The following IMPA2 variants were observed in gnomAD, a reference collection of about 807,000 sequenced individuals.
The protein encoded by IMPA2 is inositol monophosphatase 2, also known as IMP 2.
A neutral mutation model predicts 35.1 loss-of-function variants in IMPA2; 32 were observed. The ratio of observed to expected loss-of-function variants is 0.91; its 90% CI spans 0.69 to 1.23. The LOEUF (loss-of-function observed/expected upper bound fraction) is 1.23. IMPA2 is among the 50% of genes most tolerant of loss of function. The pLI is 0.00. For synonymous variants in IMPA2, 135 were observed against 160.6 expected, an observed-to-expected ratio of 0.84 and a Z score of 1.20; for missense variants, 334 against 387.6, an observed-to-expected ratio of 0.86 and a Z score of 1.16.
Position 12,014,316 on chromosome 18 carries a change from C to A in IMPA2, c.433C>A (p.Arg145=). 6.2e-7 allele frequency: 1 copy of A among 1,611,526 alleles called. No homozygotes were observed. The highest frequency in any genetic ancestry group is 8.5e-7 in the Non-Finnish European group (1 of 1,178,970). Residue 145 remains arginine (R), a synonymous_variant, in exon 5 of 8, where the codon CGG becomes AGG. Transcript: ENST00000269159. ...HCTEERLYTG[R]RGRGAFCNGQ... is the part of the protein sequence containing the mutation. ...CACAGAGGAGCGGCTGTACACGGGC[C>A]GGCGGGGTCGGGGCGCCTTCTGCAA...
chr18:12,015,467 C>A (rs1907552314), intron 5 of IMPA2, among the ~76,000 whole-genome samples: 1 of 152,248 alleles, frequency 6.6e-6, no homozygotes, highest in Non-Finnish European at 1.5e-5. Context: ...CTGCTGTGAG[C>A]CCGTGCGGCC....
At chr18:12,017,394 A>G (rs1907607723) in intron 5 of IMPA2, among the ~76,000 whole-genome samples, 1 of 152,026 alleles carries the variant, frequency 6.6e-6, no homozygotes, top group Non-Finnish European at 1.5e-5. Context: ...TCACATCATC[A>G]ATATCACTCT....
At chr18:12,008,431 T>C (rs1259527234) in intron 2 of IMPA2, 1 of 510,554 alleles carries the variant, frequency 2.0e-6, no homozygotes, top group African/African-American at 1.9e-5. Flanking sequence ...AGATGTTTGC[T>C]TAGCGCCTGC....
intron 1 of IMPA2, chr18:11,994,386 TAAC>T (rs756255471): frequency 6.6e-6 from 1 of 151,872 alleles, no homozygotes; most frequent in Non-Finnish European, 1.5e-5. Flanking sequence ...AAGAGAAAAA[TAAC>T]AACAGAGCAT....
At chr18:12,011,311 C>T (rs912935242) in intron 3 of IMPA2, among the ~76,000 whole-genome samples, 2 of 152,228 alleles carry the variant, frequency 1.3e-5, no homozygotes, top group Admixed American at 6.5e-5. Context: ...GGTCTGAAGA[C>T]ATCCGAAAGC....
Position 12,020,056 on chromosome 18 carries a change from A to G in IMPA2, c.490+5683A>G, listed in dbSNP as rs112120335. 5.9e-3 allele frequency among the ~76,000 whole-genome samples: 887 copies of G among 150,342 alleles called. 10 individuals carry two copies. The highest frequency in any genetic ancestry group is 0.021 in the African/African-American group (841 of 40,860). On this transcript the variant is annotated intron_variant, in intron 5 of 7. Coordinates refer to ENST00000269159, the MANE Select transcript of IMPA2 (RefSeq NM_014214.3). Reference sequence around the variant, plus strand: ...ATGCCCAGCTAGTTTTTGTACTTTTAGTAAAGACAGGATTTCACCATGTTG... The same window carrying G: ...ATGCCCAGCTAGTTTTTGTACTTTTGGTAAAGACAGGATTTCACCATGTTG...
Position 11,988,565 on chromosome 18 carries a change from C to T in IMPA2, c.96+6800C>T, listed in dbSNP as rs182325313. 1.5e-3 allele frequency among the ~76,000 whole-genome samples: 234 copies of T among 152,050 alleles called. 1 individual carries two copies. Among genetic ancestry groups the T allele is most frequent in the Non-Finnish European group, 2.3e-3 (154 of 67,992 alleles). ...GAATCAGGTATCTGATAGGAAGCCA[C>T]GTGAGAAATGAGGGTGGATTTGACT... On this transcript the variant is annotated intron_variant, in intron 1 of 7. Coordinates refer to ENST00000269159, the MANE Select transcript of IMPA2 (RefSeq NM_014214.3).
chr18:12,006,022 T>C (rs983929040), intron 2 of IMPA2, among the ~76,000 whole-genome samples: 1 of 152,212 alleles, frequency 6.6e-6, no homozygotes, highest in African/African-American at 2.4e-5. Context: ...GCTCCTTGTA[T>C]GTGTGTTTTC....
intron 1 of IMPA2, among the ~76,000 whole-genome samples, chr18:11,997,872 C>T (rs1907004520): frequency 6.6e-6 from 1 of 152,214 alleles, no homozygotes; most frequent in African/African-American, 2.4e-5. Context: ...TTAAGACAGA[C>T]AGAAATGGGC....
At chr18:12,018,789 T>G (rs563529320) in intron 5 of IMPA2, among the ~76,000 whole-genome samples, 19 of 152,332 alleles carry the variant, frequency 1.2e-4, no homozygotes, top group African/African-American at 4.6e-4. Flanking sequence ...TGCTTCTGCA[T>G]TCAATCTGTT....
At chr18:12,029,759 A>G (rs1339074003) in intron 7 of IMPA2, among the ~76,000 whole-genome samples, 9 of 152,160 alleles carry the variant, frequency 5.9e-5, no homozygotes, top group African/African-American at 1.9e-4. Flanking sequence ...CTCTGATTTT[A>G]CCACTAGAGC....
chr18:12,010,041 G>A lies in IMPA2; in HGVS notation c.335+54G>A. 4 of 1,390,926 alleles carry A rather than the reference G, an allele frequency of 2.9e-6. No individual in the cohort carries two copies. In the South Asian group the frequency reaches 3.5e-5, roughly 12 times the overall value. 86.2% of individuals were successfully genotyped at this position (1,390,926 alleles called of 1,614,324 possible). On this transcript the variant is annotated intron_variant, in intron 3 of 7. Coordinates refer to ENST00000269159, the MANE Select transcript of IMPA2 (RefSeq NM_014214.3). The surrounding 1 kb of genome is among the most constrained non-coding windows in gnomAD (Gnocchi z 4.8). Reference sequence around the variant, plus strand: ...CAGGGCTTAACATGTCCTCTTCTGTGAGGTTTTGTCTTTTCAAAAGCAGCA... The same window carrying A: ...CAGGGCTTAACATGTCCTCTTCTGTAAGGTTTTGTCTTTTCAAAAGCAGCA...
Position 11,993,431 on chromosome 18 carries a change from G to A in IMPA2, c.97-5623G>A, listed in dbSNP as rs938856260. Among the ~76,000 whole-genome samples the A allele has an allele frequency of 9.2e-5, 14 of 152,298 alleles. No homozygotes were observed. In the South Asian group the frequency reaches 1.2e-3, roughly 14 times the overall value. ...TGGTGACTGAAGGAAGCTAGCTGGC[G>A]CAGCCCCCATGTGTGCAAGGCCCCC... is the stretch of plus-strand genomic sequence containing the variant. On this transcript the variant is annotated intron_variant, in intron 1 of 7. Transcript: ENST00000269159.
At chr18:12,013,575 T>C (rs1223571019) in intron 4 of IMPA2, among the ~76,000 whole-genome samples, 1 of 152,222 alleles carries the variant, frequency 6.6e-6, no homozygotes, top group Non-Finnish European at 1.5e-5. Context: ...TAAGCAAGCA[T>C]GCTGGCCCTT....
chr18:12,002,763 CAAAAAA>C (rs57245640), intron 2 of IMPA2, among the ~76,000 whole-genome samples: 5 of 137,672 alleles, frequency 3.6e-5, no homozygotes, highest in African/African-American at 5.3e-5. Context: ...GACCTTGTCT[CAAAAAA>C]AAAAAAAAAA....
At chr18:12,004,615 C>G (rs1346101481) in intron 2 of IMPA2, among the ~76,000 whole-genome samples, 1 of 151,496 alleles carries the variant, frequency 6.6e-6, no homozygotes, top group Non-Finnish European at 1.5e-5. Context: ...ACTGCAACCT[C>G]CGCCTCCCGG....
rs2143767358 is a variant in IMPA2 at position 11,981,750 on chromosome 18, G to C, written c.81G>C (p.Ala27=). ...GCTTCCAGGCGGCCGTGCAGCTGGC[G>C]CTGCGGGCAGGACAGGTGAGCGCCA... ...EECFQAAVQL[A]LRAGQIIRKA... is the part of the protein sequence containing the mutation. Residue 27 remains alanine (A), a synonymous_variant, in exon 1 of 8, where the codon GCG becomes GCC. Coordinates refer to ENST00000269159, the MANE Select transcript of IMPA2 (RefSeq NM_014214.3). The C allele has an allele frequency of 8.1e-7, 1 of 1,228,876 alleles. No individual in the cohort carries two copies. Among genetic ancestry groups the C allele is most frequent in the East Asian group, 3.2e-5 (1 of 31,456 alleles). The allele number at this position is 1,228,876 out of a possible 1,614,324, so 76.1% of individuals were successfully genotyped here. A position where few individuals can be genotyped will look rare whatever the true frequency, so the allele number is the denominator to read the frequency against.
At chr18:12,008,230 A>G (rs1261090551) in intron 2 of IMPA2, 1 of 462,836 alleles carries the variant, frequency 2.2e-6, no homozygotes, top group Non-Finnish European at 4.3e-6. Flanking sequence ...TCCTGACCTC[A>G]GGTGATCTGC....
chr18:12,010,937 T>C lies in IMPA2; in HGVS notation c.335+950T>C, dbSNP rs1907416307. 6.6e-6 allele frequency among the ~76,000 whole-genome samples: 1 copy of C among 152,234 alleles called. No homozygotes were observed. Among genetic ancestry groups the C allele is most frequent in the South Asian group, 2.1e-4 (1 of 4,838 alleles). On this transcript the variant is annotated intron_variant, in intron 3 of 7. Transcript: ENST00000269159. The surrounding 1 kb of genome is among the most constrained non-coding windows in gnomAD (Gnocchi z 4.8). ...TTCGAGGCAGTGGAGTCGTGCCATC[T>C]GGTGCCAGCAAATGTGTCACCAATC...
Sources: gnomAD v4.1 joint callset for allele counts (sites outside exome capture counted in the v4.1 genomes callset) on GRCh38, gnomAD v4.1.1 for gene constraint, Gnocchi (gnomAD v3.1) non-coding constraint, MANE v1.5 for transcripts, NCBI Gene and HGNC (gene_info 2026-07-23, HGNC 2026-07-21) for gene names.